The following CACNA2D3 variants were observed in gnomAD, a reference collection of about 807,000 sequenced individuals.
CACNA2D3 encodes the protein calcium voltage-gated channel auxiliary subunit alpha2delta 3.
A neutral mutation model predicts 160.6 loss-of-function variants in CACNA2D3; 60 were observed. The ratio of observed to expected loss-of-function variants is 0.37; its 90% CI spans 0.30 to 0.46. The LOEUF (loss-of-function observed/expected upper bound fraction) is 0.46, where lower values mean the gene tolerates loss of function less well. Ranked by LOEUF, CACNA2D3 falls within the 20% of genes least tolerant of loss-of-function variation. CACNA2D3 has a pLI of 1.00. For synonymous variants in CACNA2D3, 558 were observed against 492.9 expected, an observed-to-expected ratio of 1.13 and a Z score of -1.75; for missense variants, 1,205 against 1,365.0, an observed-to-expected ratio of 0.88 and a Z score of 1.85.
chr3:54,641,494 T>A (rs570927062), intron 10 of CACNA2D3, among the ~76,000 whole-genome samples: 1 of 152,300 alleles, frequency 6.6e-6, no homozygotes, highest in Non-Finnish European at 1.5e-5. Context: ...CCTGAAAAGA[T>A]GTCAAAGTCT....
chr3:54,777,905 T>C (rs1287565339), intron 13 of CACNA2D3, among the ~76,000 whole-genome samples: 13 of 152,194 alleles, frequency 8.5e-5, no homozygotes, highest in Admixed American at 8.5e-4. Flanking sequence ...AGACCCAATT[T>C]GAAAAGTTTT....
chr3:54,646,599 A>C (rs954779484), intron 11 of CACNA2D3, among the ~76,000 whole-genome samples: 1 of 152,150 alleles, frequency 6.6e-6, no homozygotes, highest in South Asian at 2.1e-4. Flanking sequence ...ATGGCTGCAC[A>C]GTGGTATATG....
chr3:54,674,128 T>C (rs1161195996), intron 11 of CACNA2D3, among the ~76,000 whole-genome samples: 2 of 152,240 alleles, frequency 1.3e-5, no homozygotes, highest in African/African-American at 4.8e-5. Flanking sequence ...TTGAAACTAT[T>C]TGGGAGCAGT....
Position 55,033,879 on chromosome 3 carries a change from TAC to T in CACNA2D3, c.2987+15564_2987+15565del, listed in dbSNP as rs1368001237. Among the ~76,000 whole-genome samples, 5 of 126,718 alleles carry T rather than the reference TAC, an allele frequency of 3.9e-5. 1 individual carries two copies. The highest frequency in any genetic ancestry group is 1.2e-4 in the African/African-American group (4 of 34,584). The allele number at this position is 126,718 out of a possible 152,430, so 83.1% of individuals were successfully genotyped here. ...AATATATTTAATATATAATATATAT[TAC>T]ATATTAAGTATATTTAATATATAAT... On this transcript the variant is annotated intron_variant, in intron 35 of 37. Coordinates refer to ENST00000474759, the MANE Select transcript of CACNA2D3 (RefSeq NM_018398.3).
intron 11 of CACNA2D3, among the ~76,000 whole-genome samples, chr3:54,702,682 T>G (rs140884613): frequency 1.4e-3 from 207 of 152,234 alleles, no homozygotes; most frequent in African/African-American, 4.8e-3. Flanking sequence ...GTTGGAGATT[T>G]CTCAGAGAAC....
At chr3:54,811,157 A>G (rs13325022) in intron 13 of CACNA2D3, among the ~76,000 whole-genome samples, 1 of 152,106 alleles carries the variant, frequency 6.6e-6, no homozygotes. Flanking sequence ...TGCCTACCCT[A>G]CACCTCTGCC....
At chr3:54,853,236 T>G (rs1699098875) in intron 17 of CACNA2D3, among the ~76,000 whole-genome samples, 5 of 152,142 alleles carry the variant, frequency 3.3e-5, no homozygotes, top group Admixed American at 3.3e-4. Flanking sequence ...ATCACCACTC[T>G]TGGAAAACGT....
chr3:54,646,708 A>G (rs1699659903), intron 11 of CACNA2D3, among the ~76,000 whole-genome samples: 1 of 152,224 alleles, frequency 6.6e-6, no homozygotes, highest in Non-Finnish European at 1.5e-5. Context: ...ATAGTGCTGC[A>G]GTGAACATAC....
At chr3:54,962,716 AG>A (rs1274798421) in intron 27 of CACNA2D3, among the ~76,000 whole-genome samples, 1 of 152,162 alleles carries the variant, frequency 6.6e-6, no homozygotes, top group Non-Finnish European at 1.5e-5. Flanking sequence ...TGATGGTGGC[AG>A]GATTGTTTTT....
rs1165979495 is a variant in CACNA2D3 at position 54,922,121 on chromosome 3, C to T, written c.2449+22253C>T. On this transcript the variant is annotated intron_variant, in intron 27 of 37. Transcript: ENST00000474759. ...TACTCATGCAGCTCTGTTGTGACGG[C>T]GTGTTGAAATGCGTCACAGAATCTG... Among the ~76,000 whole-genome samples the T allele has an allele frequency of 5.3e-5, 8 of 152,006 alleles. 1 individual carries two copies. The South Asian group carries it at 6.2e-4, about 12-fold the overall frequency.
At chr3:54,736,140 T>TATAC (rs1442292197) in intron 11 of CACNA2D3, among the ~76,000 whole-genome samples, 12 of 80,630 alleles carry the variant, frequency 1.5e-4, no homozygotes, top group African/African-American at 3.8e-4. Context: ...TGTATATATA[T>TATAC]ACACACACAC....
At chr3:54,296,140 G>T (rs1333960776) in intron 2 of CACNA2D3, among the ~76,000 whole-genome samples, 1 of 152,214 alleles carries the variant, frequency 6.6e-6, no homozygotes, top group Non-Finnish European at 1.5e-5. Flanking sequence ...GACATGGCAA[G>T]GCCGGGATGA....
At chr3:54,229,617 G>A (rs934400692) in intron 2 of CACNA2D3, among the ~76,000 whole-genome samples, 1 of 151,956 alleles carries the variant, frequency 6.6e-6, no homozygotes, top group African/African-American at 2.4e-5. Context: ...TTATAGGCAT[G>A]AATCACCATG....
chr3:54,717,746 TGTG>T (rs149957976), intron 11 of CACNA2D3, among the ~76,000 whole-genome samples: 37,593 of 140,538 alleles, frequency 0.27, 4,661 homozygotes, highest in South Asian at 0.33. Context: ...GCATGTGTGG[TGTG>T]GTGTGTGCAA....
chr3:54,311,114 G>A (rs111666597), intron 2 of CACNA2D3, among the ~76,000 whole-genome samples: 4 of 152,170 alleles, frequency 2.6e-5, no homozygotes, highest in African/African-American at 7.2e-5. Context: ...CTTCGAGTCA[G>A]CAGCACAGCA....
At chr3:55,038,864 CTATATATATATATATATA>C (rs10576329) in intron 35 of CACNA2D3, among the ~76,000 whole-genome samples, 1,873 of 99,080 alleles carry the variant, frequency 0.019, 95 homozygotes, top group African/African-American at 0.058. Flanking sequence ...AGCCAGGATG[CTATATATATATATATATA>C]TATATATATA....
rs116735355 is a variant in CACNA2D3, at chr3:54,504,795, T to A, written c.544+1141T>A. On this transcript the variant is annotated intron_variant, in intron 5 of 37. Transcript: ENST00000474759. Reference sequence around the variant, plus strand: ...GGCTGTGTGATCTTAAGCAAGCAACTTTGCCTTTCTGAGGCTCAGTTTCCC... The same window carrying A: ...GGCTGTGTGATCTTAAGCAAGCAACATTGCCTTTCTGAGGCTCAGTTTCCC... Among the ~76,000 whole-genome samples the A allele has an allele frequency of 2.8e-3, 419 of 152,302 alleles. 2 individuals carry two copies. Among genetic ancestry groups the A allele is most frequent in the African/African-American group, 9.5e-3 (396 of 41,562 alleles).
chr3:54,502,808 T>C (rs768625758), intron 4 of CACNA2D3, among the ~76,000 whole-genome samples: 2 of 152,206 alleles, frequency 1.3e-5, no homozygotes, highest in African/African-American at 4.8e-5. Context: ...AGTTAACACA[T>C]GAAAAGCACT....
intron 35 of CACNA2D3, among the ~76,000 whole-genome samples, chr3:55,072,341 T>C (rs1704828854): frequency 6.8e-6 from 1 of 148,062 alleles, no homozygotes; most frequent in East Asian, 1.9e-4. Context: ...TGGATCATTC[T>C]CATGGATCAT....
Sources: allele counts gnomAD v4.1 joint callset (sites outside exome capture counted in the v4.1 genomes callset), GRCh38; gene constraint gnomAD v4.1.1; transcripts MANE v1.5; gene names NCBI Gene and HGNC (gene_info 2026-07-23, HGNC 2026-07-21).